CLNK: variants seen among roughly 807,000 people sequenced by gnomAD.
CLNK encodes the protein cytokine dependent hematopoietic cell linker.
In CLNK, 74 loss-of-function variants were observed where a neutral mutation model predicts 68.6. The observed-to-expected ratio is 1.08, with a 90% confidence interval of 0.89 to 1.31. CLNK has a LOEUF of 1.31. Ranked by LOEUF, CLNK falls within the 50% of genes most tolerant of loss-of-function variation. The pLI, the probability that CLNK is intolerant of heterozygous loss-of-function variation, is 0.00. For synonymous variants in CLNK, 198 were observed against 172.2 expected, an observed-to-expected ratio of 1.15 and a Z score of -1.17; for missense variants, 553 against 515.3, an observed-to-expected ratio of 1.07 and a Z score of -0.71.
chr4:10,550,974 A>G (rs10031329), intron 8 of CLNK, among the ~76,000 whole-genome samples: 4,710 of 152,296 alleles, frequency 0.031, 256 homozygotes, highest in African/African-American at 0.11. Flanking sequence ...CTCAGCAATT[A>G]ACCGGTGGAT....
intron 8 of CLNK, among the ~76,000 whole-genome samples, chr4:10,543,611 C>T (rs1333317952): frequency 6.6e-6 from 1 of 152,216 alleles, no homozygotes; most frequent in African/African-American, 2.4e-5. Flanking sequence ...ACTGCACCGC[C>T]TGTTTAGATT....
chr4:10,506,349 G>A (rs1717292977), intron 17 of CLNK, among the ~76,000 whole-genome samples: 1 of 152,136 alleles, frequency 6.6e-6, no homozygotes, highest in African/African-American at 2.4e-5. Context: ...GAGTGTGAAG[G>A]TAGAAGCACA....
At chr4:10,607,154 G>A (rs892203103) in intron 2 of CLNK, among the ~76,000 whole-genome samples, 4 of 152,164 alleles carry the variant, frequency 2.6e-5, no homozygotes, top group Non-Finnish European at 5.9e-5. Flanking sequence ...TCTGAGGAAC[G>A]GGGGAAAAGG....
intron 2 of CLNK, among the ~76,000 whole-genome samples, chr4:10,642,325 C>T (rs1423996297): frequency 1.3e-5 from 2 of 152,156 alleles, no homozygotes; most frequent in African/African-American, 4.8e-5. Context: ...CCTCAGGGAG[C>T]TTCTGATTGA....
the CLNK span, among the ~76,000 whole-genome samples, chr4:10,719,390 A>G: frequency 6.6e-6 from 1 of 152,096 alleles, no homozygotes; most frequent in South Asian, 2.1e-4. Flanking sequence ...ATTTACAAAG[A>G]TTAATCAAAA....
At chr4:10,510,833 C>T (rs1717550569) in intron 16 of CLNK, among the ~76,000 whole-genome samples, 1 of 152,176 alleles carries the variant, frequency 6.6e-6, no homozygotes, top group Non-Finnish European at 1.5e-5. Flanking sequence ...TTACCTATAA[C>T]CTGGAAGGCC....
At chr4:10,616,256 A>G (rs1166971126) in intron 2 of CLNK, among the ~76,000 whole-genome samples, 1 of 152,198 alleles carries the variant, frequency 6.6e-6, no homozygotes, top group Non-Finnish European at 1.5e-5. Flanking sequence ...CCATAGTGGG[A>G]GTACTTACAC....
intron 7 of CLNK, among the ~76,000 whole-genome samples, chr4:10,560,520 C>T (rs545225558): frequency 2.7e-4 from 41 of 152,232 alleles, no homozygotes; most frequent in Non-Finnish European, 3.8e-4. Context: ...TTCAGCTCAC[C>T]GCAACCTTGA....
At chr4:10,664,935 C>T (rs1196938467) in intron 2 of CLNK, among the ~76,000 whole-genome samples, 1 of 152,262 alleles carries the variant, frequency 6.6e-6, no homozygotes, top group East Asian at 1.9e-4. Context: ...TTGGGGCAGG[C>T]CAGCAGCAAT....
chr4:10,570,163 C>T lies in CLNK; in HGVS notation c.150+1578G>A, dbSNP rs926693260. Among the ~76,000 whole-genome samples, 12 of 152,276 alleles carry T rather than the reference C, an allele frequency of 7.9e-5. No individual in the cohort carries two copies. In the South Asian group the frequency reaches 2.1e-3, roughly 26 times the overall value. On this transcript the variant is annotated intron_variant, in intron 5 of 18. Coordinates refer to ENST00000226951, the MANE Select transcript of CLNK (RefSeq NM_052964.4). The stretch of plus-strand genomic sequence containing the variant: ...CAAAGGTGCCATTTACATACTGTTA[C>T]GGCCATCACCAAGGCTCTCTAGGGC...
At chr4:10,646,009 C>T (rs1239705031) in intron 2 of CLNK, among the ~76,000 whole-genome samples, 1 of 151,918 alleles carries the variant, frequency 6.6e-6, no homozygotes, top group African/African-American at 2.4e-5. Flanking sequence ...CCCAATTTTG[C>T]AAAATATGAT....
At chr4:10,677,258 A>T (rs1306323252) in intron 1 of CLNK, among the ~76,000 whole-genome samples, 1 of 152,184 alleles carries the variant, frequency 6.6e-6, no homozygotes, top group Non-Finnish European at 1.5e-5. Flanking sequence ...CACCATTCCC[A>T]TGGACGTCTA....
chr4:10,507,777 C>T (rs1395325322), intron 17 of CLNK, among the ~76,000 whole-genome samples, 182 bp downstream of exon 17: 3 of 152,160 alleles, frequency 2.0e-5, no homozygotes, highest in Non-Finnish European at 2.9e-5. Flanking sequence ...CCACTGCGCC[C>T]GGCCTGAAAC....
Position 10,584,969 on chromosome 4 carries a change from G to A in CLNK, c.84-14C>T. On this transcript the variant is annotated splice_polypyrimidine_tract_variant and intron_variant, in intron 3 of 18. Transcript: ENST00000226951. ...CGAGGCCATGACCTAGGGCAGAAAAGAGAACCAAGTTAAATGTCCATTGCT... is the reference window on the plus strand; with the variant it reads ...CGAGGCCATGACCTAGGGCAGAAAAAAGAACCAAGTTAAATGTCCATTGCT... The A allele has an allele frequency of 6.2e-7, 1 of 1,613,472 alleles. No homozygotes were observed.
intron 2 of CLNK, among the ~76,000 whole-genome samples, chr4:10,652,483 G>T (rs7677121): frequency 0.42 from 62,391 of 149,596 alleles, 13,910 homozygotes; most frequent in Non-Finnish European, 0.51. Context: ...TGTAAGAATA[G>T]AAAAGTGTCA....
chr4:10,618,516 A>G (rs893599980), intron 2 of CLNK, among the ~76,000 whole-genome samples: 2 of 152,238 alleles, frequency 1.3e-5, no homozygotes, highest in African/African-American at 4.8e-5. Context: ...GGTGAATTAT[A>G]TGACATGTAA....
chr4:10,528,835 T>G (rs1054171634), intron 12 of CLNK, among the ~76,000 whole-genome samples: 1 of 152,234 alleles, frequency 6.6e-6, no homozygotes, highest in African/African-American at 2.4e-5. Context: ...AAATTTCTAT[T>G]TTTAAAAATA....
chr4:10,685,499 C>T (rs547948990), upstream of CLNK, among the ~76,000 whole-genome samples: 117 of 152,244 alleles, frequency 7.7e-4, no homozygotes, highest in South Asian at 0.024. Context: ...TTCTTTCGGC[C>T]TTAATCTTGG....
intron 3 of CLNK, among the ~76,000 whole-genome samples, chr4:10,592,429 C>T (rs1430278581): frequency 6.6e-6 from 1 of 152,108 alleles, no homozygotes; most frequent in African/African-American, 2.4e-5. Flanking sequence ...TCCTGAAATC[C>T]CTTCATCCAC....
Sources: allele counts gnomAD v4.1 joint callset (sites outside exome capture counted in the v4.1 genomes callset), GRCh38; gene constraint gnomAD v4.1.1; transcripts MANE v1.5; gene names NCBI Gene and HGNC (gene_info 2026-07-23, HGNC 2026-07-21).